PCNT: variants seen among roughly 807,000 people sequenced by gnomAD.
The protein encoded by PCNT is kendrin.
PCNT carries 319 observed loss-of-function variants against 380.4 expected under a neutral mutation model. That is an observed-to-expected ratio of 0.84 (90% CI 0.77 to 0.92). The LOEUF (loss-of-function observed/expected upper bound fraction) is 0.92, where lower values mean the gene tolerates loss of function less well. PCNT is among the 40% of genes least tolerant of loss of function. PCNT has a pLI of 0.00. For missense variants in PCNT, 4,400 were observed against 4,255.3 expected, an observed-to-expected ratio of 1.03 and a Z score of -0.95; for synonymous variants, 1,845 against 1,735.2, an observed-to-expected ratio of 1.06 and a Z score of -1.57.
intron 9 of PCNT, among the ~76,000 whole-genome samples, chr21:46,352,873 G>T (rs750073689): frequency 1.1e-4 from 16 of 152,180 alleles, no homozygotes; most frequent in Admixed American, 1.0e-3. Flanking sequence ...GCCACTTCGA[G>T]TGCTGCTTTT....
chr21:46,360,643 C>A (rs989206009), intron 13 of PCNT, among the ~76,000 whole-genome samples: 19 of 151,870 alleles, frequency 1.3e-4, no homozygotes, highest in Non-Finnish European at 2.6e-4. Flanking sequence ...CTCAGCCTCC[C>A]GAGTAGCTGG....
chr21:46,402,409 T>A lies in PCNT; in HGVS notation c.5041T>A (p.Leu1681Ile). Residue 1681 changes from leucine to isoleucine, a missense_variant, in exon 27 of 47, where the codon TTA becomes ATA. Transcript: ENST00000359568. ...SKNEEILHLN[L>I]KLDMQNSQTA... ...AAATGAAGAAATACTACATCTGAACTTAAAATTGGACATGCAGAACAGCCA... is the reference window on the plus strand; with the variant it reads ...AAATGAAGAAATACTACATCTGAACATAAAATTGGACATGCAGAACAGCCA... 1 of 1,613,734 alleles carries A rather than the reference T, an allele frequency of 6.2e-7. No homozygotes were observed. The highest frequency in any genetic ancestry group is 8.5e-7 in the Non-Finnish European group (1 of 1,179,652).
intron 27 of PCNT, among the ~76,000 whole-genome samples, chr21:46,406,193 G>A (rs1048667182): frequency 4.6e-5 from 7 of 152,184 alleles, no homozygotes; most frequent in African/African-American, 1.7e-4. Flanking sequence ...CACTTGTTCT[G>A]TACTGCCGTC....
chr21:46,435,449 C>T (rs2053408858), intron 38 of PCNT, among the ~76,000 whole-genome samples: 1 of 151,956 alleles, frequency 6.6e-6, no homozygotes, highest in Non-Finnish European at 1.5e-5. Flanking sequence ...TGGTCTCGAA[C>T]TCCTGACCTC....
rs114110013 is a variant in PCNT at position 46,377,249 on chromosome 21, G to T, written c.3166-4445G>T. On this transcript the variant is annotated intron_variant, in intron 15 of 46. Transcript: ENST00000359568. Reference sequence around the variant, plus strand: ...AGCCCTCAGCCCTCCTGGCCGTGCTGGGCAGGGAGCGGGAGCCGGCAATCC... The same window carrying T: ...AGCCCTCAGCCCTCCTGGCCGTGCTTGGCAGGGAGCGGGAGCCGGCAATCC... Among the ~76,000 whole-genome samples the T allele has an allele frequency of 8.1e-3, 1,240 of 152,322 alleles. 19 individuals carry two copies. The highest frequency in any genetic ancestry group is 0.028 in the African/African-American group (1,172 of 41,568).
At chr21:46,426,144 C>T (rs2087496529) in intron 33 of PCNT, among the ~76,000 whole-genome samples, 173 bp downstream of exon 33, 1 of 126,066 alleles carries the variant, frequency 7.9e-6, no homozygotes, top group Non-Finnish European at 1.5e-5. Context: ...AAGCAGTTCT[C>T]TGCCTCAGCC....
chr21:46,388,125 G>A lies in PCNT; in HGVS notation c.3465-617G>A, dbSNP rs2085904075. Among the ~76,000 whole-genome samples, 2 of 152,190 alleles carry A rather than the reference G, an allele frequency of 1.3e-5. No individual in the cohort carries two copies. Among genetic ancestry groups the A allele is most frequent in the African/African-American group, 4.8e-5 (2 of 41,560 alleles). ...CTCGGGAGGCTGAGGCAGGAGAAAG[G>A]CGTGAACCCGGGAGGTGGAGCTTGC... On this transcript the variant is annotated intron_variant, in intron 17 of 46. Coordinates refer to ENST00000359568, the MANE Select transcript of PCNT (RefSeq NM_006031.6). This position sits in a 1 kb window ranked among gnomAD's most constrained non-coding sequence, Gnocchi z 4.2.
In PCNT at chr21:46,346,848, G is replaced by A; in HGVS notation, c.826G>A (p.Ala276Thr). 1.2e-6 allele frequency: 2 copies of A among 1,608,294 alleles called. No individual in the cohort carries two copies. The highest frequency in any genetic ancestry group is 1.7e-6 in the Non-Finnish European group (2 of 1,177,890). ...CAACCTCCAGAAGGAGAAGGAGACG[G>A]CATTGACGGAGCTGCGGGAGATGCT... ...QANLQKEKET[A>T]LTELREMLNS... is the part of the protein sequence containing the mutation. The change falls in exon 5 of 47, where the codon GCA (alanine) becomes ACA (threonine). Residue 276 changes from alanine (A) to threonine (T), a missense_variant. Ala to Thr is a moderately conservative substitution (Grantham distance 58). Coordinates refer to ENST00000359568, the MANE Select transcript of PCNT (RefSeq NM_006031.6).
intron 28 of PCNT, 97 bp downstream of exon 28, chr21:46,412,164 T>G: frequency 7.2e-7 from 1 of 1,397,188 alleles, no homozygotes; most frequent in Admixed American, 2.0e-5. Flanking sequence ...CACTGGGGGC[T>G]GCAGTTGTCA....
intron 3 of PCNT, among the ~76,000 whole-genome samples, chr21:46,338,110 C>T (rs1601771037): frequency 6.6e-6 from 1 of 152,116 alleles, no homozygotes. Flanking sequence ...AACTCTTGGG[C>T]TCAAGTGATC....
Position 46,438,338 on chromosome 21 carries a change from G to GT in PCNT, c.9273+2dup. On this transcript the variant is annotated splice_donor_variant, in intron 41 of 46. Transcript: ENST00000359568. LOFTEE classifies it high-confidence loss of function. ...TCTGCAGAAGGGCTGCAGCCCAAGC[G>GT]TAGGTGTCTGTGCTTAACTCTTACC... is the stretch of plus-strand genomic sequence containing the variant. The GT allele has an allele frequency of 6.2e-7, 1 of 1,613,592 alleles. No individual in the cohort carries two copies. The highest frequency in any genetic ancestry group is 8.5e-7 in the Non-Finnish European group (1 of 1,179,634).
intron 38 of PCNT, 106 bp from the exon 39 acceptor site, chr21:46,435,798 T>C: frequency 7.4e-7 from 1 of 1,354,752 alleles, no homozygotes; most frequent in Non-Finnish European, 1.0e-6. Context: ...CGCCTCGGCC[T>C]CCCAAAGTGC....
At chr21:46,337,133 G>A (rs1280428631) in intron 3 of PCNT, among the ~76,000 whole-genome samples, 3 of 152,060 alleles carry the variant, frequency 2.0e-5, no homozygotes, top group East Asian at 1.9e-4. Context: ...TAGTAGCTGC[G>A]ATTACAAGTG....
chr21:46,388,695 C>T lies in PCNT; in HGVS notation c.3465-47C>T, dbSNP rs762511537. On this transcript the variant is annotated intron_variant, in intron 17 of 46. Coordinates refer to ENST00000359568, the MANE Select transcript of PCNT (RefSeq NM_006031.6). This position sits in a 1 kb window ranked among gnomAD's most constrained non-coding sequence, Gnocchi z 4.2. ...CTCAGCAGCATCCAGGGTGGGGGTT[C>T]TTATGCCGTGACCAGCTTGCCTGAT... is the stretch of plus-strand genomic sequence containing the variant. 6.2e-7 allele frequency: 1 copy of T among 1,610,474 alleles called. No homozygotes were observed. Among genetic ancestry groups the T allele is most frequent in the Non-Finnish European group, 8.5e-7 (1 of 1,179,650 alleles).
chr21:46,401,974 C>A (rs894192530), intron 26 of PCNT, among the ~76,000 whole-genome samples: 1 of 152,228 alleles, frequency 6.6e-6, no homozygotes, highest in African/African-American at 2.4e-5. Flanking sequence ...CCTCGGCCTC[C>A]CGAGTAGCTG....
At chr21:46,441,536 G>C (rs1336531698) in intron 43 of PCNT, among the ~76,000 whole-genome samples, 2 of 152,178 alleles carry the variant, frequency 1.3e-5, no homozygotes, top group African/African-American at 2.4e-5. Flanking sequence ...AGCCAGTTCA[G>C]TCATCGCGGC....
rs77771765 is a variant in PCNT, at chr21:46,377,495, G to A, written c.3166-4199G>A. ...AGGCCTTTTTATATTTAAATCTGCT[G>A]TGTAACACACCTTTTCTACCAAGAA... is the stretch of plus-strand genomic sequence containing the variant. On this transcript the variant is annotated intron_variant, in intron 15 of 46. Coordinates refer to ENST00000359568, the MANE Select transcript of PCNT (RefSeq NM_006031.6). 3.2e-3 allele frequency among the ~76,000 whole-genome samples: 485 copies of A among 152,236 alleles called. 2 individuals carry two copies. The highest frequency in any genetic ancestry group is 5.4e-3 in the Non-Finnish European group (368 of 68,022).
rs533201287 is a variant in PCNT at position 46,339,689 on chromosome 21, AGGGT to A, written c.639+4924_639+4927del. Among the ~76,000 whole-genome samples, 455 of 152,328 alleles carry A rather than the reference AGGGT, an allele frequency of 3.0e-3. 5 individuals carry two copies. Among genetic ancestry groups the A allele is most frequent in the African/African-American group, 9.2e-3 (384 of 41,576 alleles). ...GATTAGATGGTGGCAACCCAGATTG[AGGGT>A]GGATCTGCCTTTCCCAGTCCATTGA... On this transcript the variant is annotated intron_variant, in intron 3 of 46. Transcript: ENST00000359568.
chr21:46,408,836 C>T (rs1032602926), intron 27 of PCNT, among the ~76,000 whole-genome samples: 1 of 151,594 alleles, frequency 6.6e-6, no homozygotes, highest in Non-Finnish European at 1.5e-5. Flanking sequence ...AATTCTCCTG[C>T]CTCAACCTCC....
Sources: allele counts gnomAD v4.1 joint callset (sites outside exome capture counted in the v4.1 genomes callset), GRCh38; gene constraint gnomAD v4.1.1; non-coding constraint Gnocchi (gnomAD v3.1); transcripts MANE v1.5; gene names NCBI Gene and HGNC (gene_info 2026-07-23, HGNC 2026-07-21).